CUX2: variants seen among roughly 807,000 people sequenced by gnomAD.
The protein encoded by CUX2 is homeobox protein cut-like 2.
A neutral mutation model predicts 144.8 loss-of-function variants in CUX2; 40 were observed. That is an observed-to-expected ratio of 0.28 (90% CI 0.21 to 0.36). CUX2 has a LOEUF of 0.36. Among genes scored for constraint, CUX2 ranks in the 10% least tolerant of loss-of-function variants. The pLI is 1.00. For synonymous variants in CUX2, 827 were observed against 875.6 expected (o/e 0.94, Z 0.98); for missense variants, 1,615 against 1,994.0 (o/e 0.81, Z 3.62).
At position 111,320,369 on chromosome 12, in the gene CUX2, A is replaced by G; in HGVS notation, c.2360A>G (p.His787Arg). 6.3e-7 allele frequency: 1 copy of G among 1,598,074 alleles called. No homozygotes were observed. The highest frequency in any genetic ancestry group is 8.5e-7 in the Non-Finnish European group (1 of 1,179,146). ...SEIGDAGYFDHHWASDRGLLS... is the reference protein window; with the variant it reads ...SEIGDAGYFDRHWASDRGLLS... ...ATCGGCGACGCCGGCTACTTCGACCACCACTGGGCCTCCGACCGCGGCCTG... is the reference window on the plus strand; with the variant it reads ...ATCGGCGACGCCGGCTACTTCGACCGCCACTGGGCCTCCGACCGCGGCCTG... The change falls in exon 17 of 22, where the codon CAC (histidine) becomes CGC (arginine). Residue 787 changes from histidine to arginine, a missense_variant. Physicochemically the swap from His to Arg is conservative, Grantham distance 29. Transcript: ENST00000261726. This position sits in a 1 kb window ranked among gnomAD's most constrained non-coding sequence, Gnocchi z 8.1.
In CUX2 at chr12:111,320,013, C is replaced by T. The variant is rs1489254682; in HGVS notation, c.2004C>T (p.Gly668=). Residue 668 remains glycine, a splice_region_variant and synonymous_variant, in exon 17 of 22, where the codon GGC becomes GGT. Coordinates refer to ENST00000261726, the MANE Select transcript of CUX2 (RefSeq NM_015267.4). This position sits in a 1 kb window ranked among gnomAD's most constrained non-coding sequence, Gnocchi z 8.1. ...AKKEIESQKG[G]EPKTSVAPLS... is the part of the protein sequence containing the mutation. Reference sequence around the variant, plus strand: ...GCCGTCCTGTCCCCCTCCCCGCAGGCGAGCCCAAGACCTCGGTGGCCCCGC... The same window carrying T: ...GCCGTCCTGTCCCCCTCCCCGCAGGTGAGCCCAAGACCTCGGTGGCCCCGC... 11 of 1,513,180 alleles carry T rather than the reference C, an allele frequency of 7.3e-6. No homozygotes were observed. The highest frequency in any genetic ancestry group is 1.4e-5 in the African/African-American group (1 of 70,776). 93.7% of individuals were successfully genotyped at this position (1,513,180 alleles called of 1,614,324 possible).
chr12:111,309,947 C>A, intron 14 of CUX2, 94 bp from the exon 15 acceptor site: 1 of 1,119,098 alleles, frequency 8.9e-7, no homozygotes, highest in Non-Finnish European at 1.1e-6. Context: ...CTCTCTGTCT[C>A]TCTCCCCCTC....
chr12:111,316,069 C>T (rs1412186166), intron 16 of CUX2, among the ~76,000 whole-genome samples: 1 of 151,866 alleles, frequency 6.6e-6, no homozygotes, highest in Non-Finnish European at 1.5e-5. Flanking sequence ...TTTGCATGCT[C>T]CTCTGTGCTC....
intron 1 of CUX2, among the ~76,000 whole-genome samples, chr12:111,202,653 T>C (rs1880668773): frequency 6.6e-6 from 1 of 152,150 alleles, no homozygotes; most frequent in Admixed American, 6.5e-5. Context: ...ACGGACAAAG[T>C]CCTTGTGCTT....
chr12:111,294,499 C>G (rs574389110), intron 6 of CUX2, among the ~76,000 whole-genome samples: 1 of 150,754 alleles, frequency 6.6e-6, no homozygotes, highest in South Asian at 2.1e-4. Flanking sequence ...CAGAGGATCA[C>G]TTGAGCCCAG....
At chr12:111,273,596 G>A (rs955510390) in intron 4 of CUX2, among the ~76,000 whole-genome samples, 2 of 152,212 alleles carry the variant, frequency 1.3e-5, no homozygotes, top group African/African-American at 2.4e-5. Context: ...CAGGCTGGAA[G>A]GATGAAGCCT....
intron 3 of CUX2, among the ~76,000 whole-genome samples, chr12:111,225,142 G>A (rs1057117950): frequency 6.6e-6 from 1 of 152,130 alleles, no homozygotes; most frequent in Non-Finnish European, 1.5e-5. Flanking sequence ...TTAAATGGTG[G>A]TAATAGTACC....
At chr12:111,132,079 C>T (rs890065186) in intron 1 of CUX2, among the ~76,000 whole-genome samples, 9 of 152,230 alleles carry the variant, frequency 5.9e-5, no homozygotes, top group Non-Finnish European at 1.2e-4. Context: ...CAAACTTTTG[C>T]CTGGTCATCC....
intron 19 of CUX2, among the ~76,000 whole-genome samples, chr12:111,337,358 A>G (rs1257679754): frequency 6.6e-6 from 1 of 151,572 alleles, no homozygotes; most frequent in East Asian, 1.9e-4. Context: ...GTCTCAAAAA[A>G]AAAAAAAAAA....
chr12:111,127,113 T>TAC (rs1447399221), intron 1 of CUX2, among the ~76,000 whole-genome samples: 1 of 152,144 alleles, frequency 6.6e-6, no homozygotes, highest in Non-Finnish European at 1.5e-5. Context: ...TGTATCTTTA[T>TAC]ACACACACAC....
intron 1 of CUX2, among the ~76,000 whole-genome samples, chr12:111,116,950 G>T (rs1165234657): frequency 6.6e-6 from 1 of 152,196 alleles, no homozygotes; most frequent in African/African-American, 2.4e-5. Context: ...CTGGCCTGAG[G>T]TTGCAGAGCT....
At chr12:111,281,741 A>G (rs1428242419) in intron 4 of CUX2, among the ~76,000 whole-genome samples, 9 of 152,190 alleles carry the variant, frequency 5.9e-5, no homozygotes, top group African/African-American at 4.8e-5. Context: ...TGTTTTACAG[A>G]TGGGGAAACT....
intron 1 of CUX2, among the ~76,000 whole-genome samples, chr12:111,163,333 TG>T (rs1243267185): frequency 2.6e-5 from 4 of 152,254 alleles, no homozygotes; most frequent in Non-Finnish European, 2.9e-5. Context: ...ACAGGCCGCA[TG>T]GTCTGTGTTG....
chr12:111,114,447 TTTC>T (rs1362300548), intron 1 of CUX2, among the ~76,000 whole-genome samples: 6 of 152,238 alleles, frequency 3.9e-5, no homozygotes, highest in African/African-American at 1.4e-4. Context: ...GGTTGTTTGT[TTTC>T]TTCTTGATGA....
chr12:111,322,589 G>A lies in CUX2; in HGVS notation c.2926+9G>A, dbSNP rs201509234. 5.2e-5 allele frequency: 84 copies of A among 1,604,932 alleles called. No homozygotes were observed. The highest frequency in any genetic ancestry group is 1.7e-4 in the Middle Eastern group (1 of 6,052). ...GCCTGGTGCCTCCCAGGGTGAGTGC[G>A]GGCAGGAGCATCTCAGGGGGTGCTG... On this transcript the variant is annotated intron_variant, in intron 18 of 21. Coordinates refer to ENST00000261726, the MANE Select transcript of CUX2 (RefSeq NM_015267.4). This position sits in a 1 kb window ranked among gnomAD's most constrained non-coding sequence, Gnocchi z 4.2.
intron 1 of CUX2, among the ~76,000 whole-genome samples, chr12:111,150,768 T>A (rs1478856946): frequency 2.6e-5 from 1 of 38,608 alleles, no homozygotes; most frequent in Non-Finnish European, 5.1e-5. Context: ...GTGGGAGGGG[T>A]GGGGTGTGTG....
chr12:111,131,387 G>A (rs1381655788), intron 1 of CUX2, among the ~76,000 whole-genome samples: 2 of 152,128 alleles, frequency 1.3e-5, no homozygotes, highest in African/African-American at 4.8e-5. Flanking sequence ...GGAGATTTGG[G>A]TTGGGGCACA....
intron 1 of CUX2, among the ~76,000 whole-genome samples, chr12:111,098,490 C>T (rs958256589): frequency 4.9e-4 from 74 of 152,222 alleles, no homozygotes; most frequent in African/African-American, 1.8e-3. Flanking sequence ...GGGTACAGGC[C>T]AACGAGGGAC....
intron 21 of CUX2, among the ~76,000 whole-genome samples, chr12:111,343,417 TC>T (rs1393797974): frequency 4.6e-5 from 7 of 152,038 alleles, no homozygotes; most frequent in African/African-American, 1.7e-4. Context: ...CTGAGGAACA[TC>T]CCCCACCACA....
Sources: allele counts gnomAD v4.1 joint callset (sites outside exome capture counted in the v4.1 genomes callset), GRCh38; gene constraint gnomAD v4.1.1; non-coding constraint Gnocchi (gnomAD v3.1); transcripts MANE v1.5; gene names NCBI Gene and HGNC (gene_info 2026-07-23, HGNC 2026-07-21).